Variants in ZNF532 observed in about 807,000 individuals in gnomAD.
The protein encoded by ZNF532 is zinc finger protein 532.
In ZNF532, 22 loss-of-function variants were observed where a neutral mutation model predicts 89.3. That is an observed-to-expected ratio of 0.25 (90% confidence interval 0.18 to 0.35). ZNF532 has a LOEUF of 0.35. Ranked by LOEUF, ZNF532 falls within the 10% of genes least tolerant of loss-of-function variation. ZNF532 has a pLI of 1.00. For missense variants in ZNF532, 1,132 were observed against 1,643.4 expected (o/e 0.69, Z 5.38); for synonymous variants, 606 against 649.6 (o/e 0.93, Z 1.02).
At chr18:58,927,882 G>C (rs1421261699) in intron 3 of ZNF532, among the ~76,000 whole-genome samples, 1 of 152,120 alleles carries the variant, frequency 6.6e-6, no homozygotes, top group Non-Finnish European at 1.5e-5. Flanking sequence ...TGTTGTCTCT[G>C]AATGGAAGAC....
intron 2 of ZNF532, among the ~76,000 whole-genome samples, chr18:58,901,964 C>T (rs980929395): frequency 6.6e-5 from 10 of 152,312 alleles, no homozygotes; most frequent in African/African-American, 2.4e-4. Context: ...GACACCTTAA[C>T]AGCATGGTGA....
At chr18:58,935,712 A>G (rs956406749) in intron 4 of ZNF532, among the ~76,000 whole-genome samples, 25 of 151,894 alleles carry the variant, frequency 1.6e-4, no homozygotes, top group African/African-American at 6.0e-4. Flanking sequence ...TTCACTAAGA[A>G]GATTCCACCA....
intron 2 of ZNF532, among the ~76,000 whole-genome samples, chr18:58,875,752 G>C (rs1386109256): frequency 1.3e-5 from 2 of 152,082 alleles, no homozygotes; most frequent in African/African-American, 4.8e-5. Flanking sequence ...GTAGGTGATC[G>C]ACCCTAGATT....
intron 3 of ZNF532, chr18:58,934,148 A>T: frequency 3.3e-6 from 1 of 303,714 alleles, no homozygotes; most frequent in Non-Finnish European, 6.1e-6. Flanking sequence ...TCTTTGCCCT[A>T]AGCAAAATGC....
intron 7 of ZNF532, among the ~76,000 whole-genome samples, chr18:58,976,436 C>T (rs1186187443): frequency 1.3e-5 from 2 of 152,086 alleles, no homozygotes; most frequent in Non-Finnish European, 2.9e-5. Flanking sequence ...TCGAATTTTC[C>T]TTTCTGTGGG....
chr18:58,910,123 G>A (rs1483114229), intron 2 of ZNF532, among the ~76,000 whole-genome samples: 5 of 152,100 alleles, frequency 3.3e-5, no homozygotes, highest in Non-Finnish European at 7.3e-5. Flanking sequence ...GAATTTCTGT[G>A]TACTCATTTA....
At chr18:58,937,096 A>G (rs1156871336) in intron 4 of ZNF532, among the ~76,000 whole-genome samples, 5 of 152,240 alleles carry the variant, frequency 3.3e-5, no homozygotes, top group African/African-American at 1.2e-4. Flanking sequence ...CTGCCTCTTG[A>G]TACACTGGAC....
chr18:58,867,729 A>G (rs2056607696), intron 2 of ZNF532, among the ~76,000 whole-genome samples: 2 of 152,172 alleles, frequency 1.3e-5, no homozygotes, highest in Non-Finnish European at 2.9e-5. Flanking sequence ...AGGAGAGCAC[A>G]CTGGAAAGAA....
chr18:58,933,290 A>T (rs1231902238), intron 3 of ZNF532, among the ~76,000 whole-genome samples: 1 of 152,182 alleles, frequency 6.6e-6, no homozygotes, highest in Non-Finnish European at 1.5e-5. Flanking sequence ...TCCTTTCAGG[A>T]GAAAATCAAG....
chr18:58,886,769 A>G (rs1050172151), intron 2 of ZNF532, among the ~76,000 whole-genome samples: 4 of 152,356 alleles, frequency 2.6e-5, no homozygotes, highest in Non-Finnish European at 4.4e-5. Flanking sequence ...CATTGCCTCT[A>G]TGCCCTGAGA....
rs1484271879 is a variant in ZNF532 at position 58,920,221 on chromosome 18, C to T, written c.1934C>T (p.Thr645Met). 3.7e-6 allele frequency: 6 copies of T among 1,613,856 alleles called. No individual in the cohort carries two copies. The highest frequency in any genetic ancestry group is 1.1e-5 in the South Asian group (1 of 91,076). Residue 645 changes from threonine to methionine, a missense_variant, in exon 3 of 10, where the codon ACG becomes ATG. Thr to Met is a moderately conservative substitution (Grantham distance 81, BLOSUM62 -1). Coordinates refer to ENST00000591808, the MANE Select transcript of ZNF532 (RefSeq NM_001375912.1). ...AGACGGAGCGTGCGCATCGAAGTAA[C>T]GTGCAACCATTGTACAAAGAACCTC... The part of the protein sequence containing the change: ...YDRRSVRIEV[T>M]CNHCTKNLVF...
chr18:58,967,572 C>T (rs986230577), intron 7 of ZNF532, among the ~76,000 whole-genome samples: 2 of 152,204 alleles, frequency 1.3e-5, no homozygotes, highest in Non-Finnish European at 2.9e-5. Flanking sequence ...CACCTGTGGC[C>T]GCCTCCACCA....
chr18:58,975,880 C>A (rs1194222148), intron 7 of ZNF532, among the ~76,000 whole-genome samples: 2 of 152,108 alleles, frequency 1.3e-5, no homozygotes, highest in Non-Finnish European at 2.9e-5. Flanking sequence ...ATTAAAAAGT[C>A]CACCCAAAGC....
Position 58,942,204 on chromosome 18 carries a change from A to G in ZNF532, c.2705+2583A>G, listed in dbSNP as rs980791728. 7.3e-5 allele frequency among the ~76,000 whole-genome samples: 11 copies of G among 151,262 alleles called. No individual in the cohort carries two copies. In the South Asian group the frequency reaches 1.3e-3, roughly 17 times the overall value. ...CGCCTGGCTAATTTTTTGTATTTTT[A>G]GTAGAGATGGGGTTTCACCGTGTTA... is the stretch of plus-strand genomic sequence containing the variant. On this transcript the variant is annotated intron_variant, in intron 5 of 9. Coordinates refer to ENST00000591808, the MANE Select transcript of ZNF532 (RefSeq NM_001375912.1).
intron 2 of ZNF532, among the ~76,000 whole-genome samples, chr18:58,877,617 A>G (rs955645309): frequency 2.0e-5 from 3 of 152,246 alleles, no homozygotes; most frequent in Non-Finnish European, 4.4e-5. Context: ...TCTGTGTTAT[A>G]TGAATCTGGC....
At chr18:58,940,963 T>TACAC in intron 5 of ZNF532, among the ~76,000 whole-genome samples, 1 of 105,358 alleles carries the variant, frequency 9.5e-6, no homozygotes, top group East Asian at 3.2e-4. Flanking sequence ...CACACACTCT[T>TACAC]TCTCTCTCTC....
intron 6 of ZNF532, 138 bp downstream of exon 6, chr18:58,948,367 C>A: frequency 2.6e-6 from 2 of 770,290 alleles, no homozygotes; most frequent in African/African-American, 1.8e-5. Context: ...TGTCAGTGAG[C>A]AACTTACATG....
At chr18:58,887,168 G>T (rs2058365303) in intron 2 of ZNF532, among the ~76,000 whole-genome samples, 1 of 152,266 alleles carries the variant, frequency 6.6e-6, no homozygotes, top group Admixed American at 6.5e-5. Flanking sequence ...CAACACAGTT[G>T]CGTAGGGGCC....
chr18:58,877,484 A>G (rs764702865), intron 2 of ZNF532, among the ~76,000 whole-genome samples: 2 of 152,250 alleles, frequency 1.3e-5, no homozygotes, highest in Non-Finnish European at 2.9e-5. Flanking sequence ...AGCTATAGCA[A>G]TAAATAAATG....
Sources: gnomAD v4.1 joint callset for allele counts (sites outside exome capture counted in the v4.1 genomes callset) on GRCh38, gnomAD v4.1.1 for gene constraint, MANE v1.5 for transcripts, NCBI Gene and HGNC (gene_info 2026-07-23, HGNC 2026-07-21) for gene names.